GOLT1A: variants seen among roughly 807,000 people sequenced by gnomAD.
GOLT1A encodes the protein golgi transport 1A.
Under a neutral mutation model 16.1 loss-of-function variants are expected in GOLT1A, and 10 were observed. The observed-to-expected ratio is 0.62, with a 90% confidence interval of 0.38 to 1.05. The LOEUF (loss-of-function observed/expected upper bound fraction) is 1.05, where lower values mean the gene tolerates loss of function less well. Ranked by LOEUF, GOLT1A falls within the 50% of genes least tolerant of loss-of-function variation. The pLI, the probability that GOLT1A is intolerant of heterozygous loss-of-function variation, is 0.01. For missense variants in GOLT1A, 137 were observed against 165.7 expected, an observed-to-expected ratio of 0.83 and a Z score of 0.95; for synonymous variants, 60 against 67.9, an observed-to-expected ratio of 0.88 and a Z score of 0.57.
chr1:204,199,135 C>T lies in GOLT1A; in HGVS notation c.360+60G>A, dbSNP rs764902073. 26 of 1,427,048 alleles carry T rather than the reference C, an allele frequency of 1.8e-5. 1 individual carries two copies. The highest frequency in any genetic ancestry group is 4.2e-4 in the Middle Eastern group (2 of 4,794). 88.4% of individuals were successfully genotyped at this position (1,427,048 alleles called of 1,614,324 possible). A position where few individuals can be genotyped will look rare whatever the true frequency, so the allele number is the denominator to read the frequency against. ...GGCAGCAGTTTTACCAGCTCCCCTCCGTGTGCTCCCCCTCACTCCCCAGGG... is the reference window on the plus strand; with the variant it reads ...GGCAGCAGTTTTACCAGCTCCCCTCTGTGTGCTCCCCCTCACTCCCCAGGG... On this transcript the variant is annotated intron_variant, in intron 4 of 4. Transcript: ENST00000308302.
intron 1 of GOLT1A, among the ~76,000 whole-genome samples, chr1:204,203,620 G>C (rs1221862568): frequency 6.6e-6 from 1 of 152,194 alleles, no homozygotes; most frequent in African/African-American, 2.4e-5. Context: ...CCTCTTCTCA[G>C]CTGGGACCTA....
chr1:204,201,387 T>C (rs1658954785), intron 3 of GOLT1A, among the ~76,000 whole-genome samples: 1 of 152,218 alleles, frequency 6.6e-6, no homozygotes, highest in South Asian at 2.1e-4. Context: ...GTCTCTTCCC[T>C]GCTCACAGGC....
chr1:204,212,927 CCT>C (rs1363753556), intron 1 of GOLT1A, among the ~76,000 whole-genome samples: 1 of 152,134 alleles, frequency 6.6e-6, no homozygotes, highest in South Asian at 2.1e-4. Flanking sequence ...TGCCTCAGGG[CCT>C]TTGCACTGCC....
chr1:204,200,076 T>C (rs886983270), intron 3 of GOLT1A, among the ~76,000 whole-genome samples: 10 of 151,948 alleles, frequency 6.6e-5, no homozygotes, highest in Admixed American at 6.6e-4. Context: ...GTTTGAACTA[T>C]TGAATTTGCT....
At chr1:204,208,444 G>GTA in intron 1 of GOLT1A, among the ~76,000 whole-genome samples, 1 of 72,966 alleles carries the variant, frequency 1.4e-5, no homozygotes, top group South Asian at 4.2e-4. Flanking sequence ...ATACATATGT[G>GTA]TGTATATATG....
chr1:204,208,472 G>GTATATATGTATATATGTA (rs1317319058), intron 1 of GOLT1A, among the ~76,000 whole-genome samples: 14 of 28,850 alleles, frequency 4.9e-4, no homozygotes, highest in African/African-American at 1.3e-3. Context: ...GTGTGTGTGT[G>GTATATATGTATATATGTA]TGTGTATATA....
Position 204,204,129 on chromosome 1 carries a change from T to C in GOLT1A, c.26-1142A>G, listed in dbSNP as rs547542838. Reference sequence around the variant, plus strand: ...AGTCAATAAATAAAAATTCATTCTGTTGCTTTGTTTTTAAATTGTTACCTT... The same window carrying C: ...AGTCAATAAATAAAAATTCATTCTGCTGCTTTGTTTTTAAATTGTTACCTT... On this transcript the variant is annotated intron_variant, in intron 1 of 4. Transcript: ENST00000308302. Among the ~76,000 whole-genome samples, 46 of 152,356 alleles carry C rather than the reference T, an allele frequency of 3.0e-4. No homozygotes were observed. The South Asian group carries it at 9.5e-3, about 32-fold the overall frequency.
chr1:204,208,476 G>GTATATATATATATA (rs1553234655), intron 1 of GOLT1A, among the ~76,000 whole-genome samples: 2 of 39,952 alleles, frequency 5.0e-5, no homozygotes, highest in Non-Finnish European at 1.2e-4. Flanking sequence ...GTGTGTGTGT[G>GTATATATATATATA]TATATATATA....
chr1:204,213,615 G>A (rs987931667), intron 1 of GOLT1A, among the ~76,000 whole-genome samples: 3 of 152,228 alleles, frequency 2.0e-5, no homozygotes, highest in Non-Finnish European at 4.4e-5. Context: ...CCCGGGATGG[G>A]AAAGGGGTCA....
chr1:204,208,647 C>A (rs766861225), intron 1 of GOLT1A, among the ~76,000 whole-genome samples: 1 of 151,452 alleles, frequency 6.6e-6, no homozygotes, highest in Non-Finnish European at 1.5e-5. Context: ...CAAGTGGGAG[C>A]TAAGCAATGA....
chr1:204,203,194 G>A (rs1658989762), intron 1 of GOLT1A, among the ~76,000 whole-genome samples: 1 of 152,188 alleles, frequency 6.6e-6, no homozygotes, highest in Non-Finnish European at 1.5e-5. Flanking sequence ...CCTGGGAACT[G>A]TGCTGTCACT....
intron 1 of GOLT1A, among the ~76,000 whole-genome samples, chr1:204,211,099 T>C (rs1659130660): frequency 6.6e-6 from 1 of 152,062 alleles, no homozygotes; most frequent in Non-Finnish European, 1.5e-5. Flanking sequence ...CCGGCCACGA[T>C]CATCTCTTTC....
intron 1 of GOLT1A, among the ~76,000 whole-genome samples, chr1:204,206,530 C>T (rs1253704752): frequency 6.6e-6 from 1 of 152,176 alleles, no homozygotes; most frequent in Non-Finnish European, 1.5e-5. Flanking sequence ...AGGAAGACCA[C>T]AGTCATCTTT....
chr1:204,213,748 G>A (rs1659173780), intron 1 of GOLT1A, 134 bp downstream of exon 1: 2 of 999,842 alleles, frequency 2.0e-6, no homozygotes, highest in South Asian at 1.6e-5. Flanking sequence ...GCCCCAGGGT[G>A]CCAGCACAGC....
At chr1:204,202,820 G>A (rs1658982237) in intron 2 of GOLT1A, 76 bp downstream of exon 2, 4 of 1,034,908 alleles carry the variant, frequency 3.9e-6, no homozygotes, top group Middle Eastern at 2.2e-4. Flanking sequence ...AGTCTTTATT[G>A]CCAGGACTAT....
At chr1:204,199,009 C>A in intron 4 of GOLT1A, 186 bp downstream of exon 4, 1 of 600,146 alleles carries the variant, frequency 1.7e-6, no homozygotes, top group Non-Finnish European at 3.0e-6. Flanking sequence ...TCCTCATGGG[C>A]TCTTGTCAAA....
intron 1 of GOLT1A, among the ~76,000 whole-genome samples, chr1:204,204,031 A>G (rs983880285): frequency 6.6e-6 from 1 of 152,140 alleles, no homozygotes; most frequent in Non-Finnish European, 1.5e-5. Context: ...ATAACCGGAT[A>G]TATAGTTCCT....
intron 1 of GOLT1A, among the ~76,000 whole-genome samples, chr1:204,207,318 G>T (rs1418024316): frequency 1.3e-5 from 2 of 152,242 alleles, no homozygotes; most frequent in Non-Finnish European, 2.9e-5. Context: ...AAAGCTGGGA[G>T]GCCAAGGTAA....
At chr1:204,202,839 T>C (rs1571673729) in intron 2 of GOLT1A, 57 bp downstream of exon 2, 3 of 1,241,504 alleles carry the variant, frequency 2.4e-6, no homozygotes, top group South Asian at 2.4e-5. Flanking sequence ...ATCCTGGCAA[T>C]AGAGACTTCA....
Sources: allele counts gnomAD v4.1 joint callset (sites outside exome capture counted in the v4.1 genomes callset), GRCh38; gene constraint gnomAD v4.1.1; transcripts MANE v1.5; gene names NCBI Gene and HGNC (gene_info 2026-07-23, HGNC 2026-07-21).